Variants in MGLL observed in about 807,000 individuals in gnomAD.
MGLL encodes the protein monoglyceride lipase, also known as lysophospholipase homolog.
MGLL carries 7 observed loss-of-function variants against 29.1 expected under a neutral mutation model. The observed-to-expected ratio is 0.24, with a 90% CI of 0.14 to 0.45. The LOEUF (loss-of-function observed/expected upper bound fraction) is 0.45. MGLL is among the 20% of genes least tolerant of loss of function. The pLI is 0.99. For synonymous variants in MGLL, 148 were observed against 168.3 expected, an observed-to-expected ratio of 0.88 and a Z score of 0.93; for missense variants, 356 against 413.6, an observed-to-expected ratio of 0.86 and a Z score of 1.21.
Position 127,761,339 on chromosome 3 carries a change from C to G in MGLL, c.262+20450G>C, listed in dbSNP as rs751540599. 1.3e-5 allele frequency among the ~76,000 whole-genome samples: 2 copies of G among 152,134 alleles called. No homozygotes were observed. Among genetic ancestry groups the G allele is most frequent in the Admixed American group, 1.3e-4 (2 of 15,278 alleles). On this transcript the variant is annotated intron_variant, in intron 3 of 7. Coordinates refer to ENST00000265052, the MANE Select transcript of MGLL (RefSeq NM_007283.7). The surrounding 1 kb of genome is among the most constrained non-coding windows in gnomAD (Gnocchi z 4.6). ...TGCTGCTGTGTCTTGTTAGAGCCAC[C>G]GTGTTGTGTTGGGGGTGCTGGCTTA...
intron 2 of MGLL, among the ~76,000 whole-genome samples, chr3:127,791,825 C>T (rs537352000): frequency 8.7e-4 from 132 of 152,320 alleles, no homozygotes; most frequent in African/African-American, 2.9e-3. Flanking sequence ...AATCCCAGCA[C>T]TTTGGGAGGC....
chr3:127,729,138 G>C (rs1211562975), intron 3 of MGLL, among the ~76,000 whole-genome samples: 1 of 151,794 alleles, frequency 6.6e-6, no homozygotes, highest in East Asian at 1.9e-4. Flanking sequence ...GGTTTCTTTT[G>C]AGATTCTTAT....
intron 5 of MGLL, chr3:127,715,895 C>T (rs2075805185): frequency 2.2e-6 from 1 of 449,784 alleles, no homozygotes; most frequent in Non-Finnish European, 4.5e-6. Context: ...TTCTTGATGC[C>T]TTTTCCATCA....
intron 2 of MGLL, among the ~76,000 whole-genome samples, chr3:127,808,040 G>A (rs923505940): frequency 3.9e-5 from 6 of 152,078 alleles, no homozygotes; most frequent in Admixed American, 6.5e-5. Context: ...GATTACAGGC[G>A]TGAGCCACCA....
chr3:127,710,026 T>C (rs1381367237), intron 6 of MGLL, among the ~76,000 whole-genome samples: 1 of 152,236 alleles, frequency 6.6e-6, no homozygotes, highest in Non-Finnish European at 1.5e-5. Flanking sequence ...AATCCAGGCC[T>C]GGATAATCAG....
chr3:127,730,359 T>C (rs756090121), intron 3 of MGLL, among the ~76,000 whole-genome samples: 1 of 152,070 alleles, frequency 6.6e-6, no homozygotes, highest in Admixed American at 6.5e-5. Context: ...ATTCCCAGCC[T>C]CCCAGGAAGG....
chr3:127,775,429 C>A (rs892547971), intron 3 of MGLL, among the ~76,000 whole-genome samples: 8 of 152,094 alleles, frequency 5.3e-5, no homozygotes, highest in African/African-American at 1.9e-4. Context: ...AATCTGTCTC[C>A]CTGGATGAAA....
intron 2 of MGLL, among the ~76,000 whole-genome samples, chr3:127,810,835 C>G (rs1408424559): frequency 1.3e-5 from 2 of 151,614 alleles, no homozygotes; most frequent in African/African-American, 4.9e-5. Flanking sequence ...CATTCCCCCA[C>G]CCAATCAAAA....
intron 3 of MGLL, among the ~76,000 whole-genome samples, chr3:127,776,796 T>A (rs1045996520): frequency 2.0e-5 from 3 of 152,244 alleles, no homozygotes; most frequent in Non-Finnish European, 2.9e-5. Flanking sequence ...TGATCTATTT[T>A]GGCTTATAAA....
Position 127,821,457 on chromosome 3 carries a change from C to A in MGLL, c.155+237G>T, listed in dbSNP as rs964749743. On this transcript the variant is annotated intron_variant, in intron 2 of 7. Coordinates refer to ENST00000265052, the MANE Select transcript of MGLL (RefSeq NM_007283.7). Reference sequence around the variant, plus strand: ...TGTGGAATTTTTGAAAATTGCCATACGGTAGGATCCATATCTGAGTTGTTA... The same window carrying A: ...TGTGGAATTTTTGAAAATTGCCATAAGGTAGGATCCATATCTGAGTTGTTA... Among the ~76,000 whole-genome samples, 10 of 152,232 alleles carry A rather than the reference C, an allele frequency of 6.6e-5. 1 individual carries two copies. The East Asian group carries it at 1.9e-3, about 29-fold the overall frequency.
intron 5 of MGLL, chr3:127,714,207 A>C (rs1484081663): frequency 6.6e-6 from 1 of 152,176 alleles, no homozygotes; most frequent in African/African-American, 2.4e-5. Flanking sequence ...TGAACGCCTC[A>C]CCATCCCCTT....
At chr3:127,818,258 C>T (rs1043572270) in intron 2 of MGLL, among the ~76,000 whole-genome samples, 5 of 152,172 alleles carry the variant, frequency 3.3e-5, no homozygotes, top group African/African-American at 4.8e-5. Context: ...CCACTGCACC[C>T]GGCCAATATT....
At chr3:127,775,810 G>A (rs1394044518) in intron 3 of MGLL, among the ~76,000 whole-genome samples, 2 of 152,208 alleles carry the variant, frequency 1.3e-5, no homozygotes, top group Non-Finnish European at 2.9e-5. Flanking sequence ...CAGGGAGCAG[G>A]CCTGCGGGCA....
chr3:127,802,968 G>GTCTC (rs142783705), intron 2 of MGLL, among the ~76,000 whole-genome samples: 3 of 151,024 alleles, frequency 2.0e-5, no homozygotes, highest in Non-Finnish European at 4.4e-5. Context: ...TCAAGCCTGA[G>GTCTC]TCTCTCTCTC....
At chr3:127,793,601 C>T (rs2077336098) in intron 2 of MGLL, among the ~76,000 whole-genome samples, 2 of 152,084 alleles carry the variant, frequency 1.3e-5, no homozygotes, top group South Asian at 2.1e-4. Flanking sequence ...TGCTCTTGTC[C>T]CCCAGGCTGG....
intron 6 of MGLL, among the ~76,000 whole-genome samples, chr3:127,704,655 GATC>G (rs1202045136): frequency 1.3e-5 from 2 of 152,110 alleles, no homozygotes. Flanking sequence ...CAACATCACC[GATC>G]ATCAGAGAAA....
chr3:127,724,969 C>A (rs1234731128), intron 3 of MGLL, among the ~76,000 whole-genome samples: 3 of 152,146 alleles, frequency 2.0e-5, no homozygotes, highest in East Asian at 3.8e-4. Context: ...AGCCTGCTCC[C>A]TGTGCCAGCT....
chr3:127,816,178 A>G (rs1439753114), intron 2 of MGLL, among the ~76,000 whole-genome samples: 2 of 152,230 alleles, frequency 1.3e-5, no homozygotes, highest in East Asian at 1.9e-4. Context: ...ACCTAGTCGC[A>G]GGTGGCGTGA....
At chr3:127,783,303 G>A (rs1325308138) in intron 2 of MGLL, among the ~76,000 whole-genome samples, 1 of 152,220 alleles carries the variant, frequency 6.6e-6, no homozygotes, top group Admixed American at 6.5e-5. Flanking sequence ...GACAGACGCT[G>A]CCTCGGCGGA....
Sources: allele counts gnomAD v4.1 joint callset (sites outside exome capture counted in the v4.1 genomes callset), GRCh38; gene constraint gnomAD v4.1.1; non-coding constraint Gnocchi (gnomAD v3.1); transcripts MANE v1.5; gene names NCBI Gene and HGNC (gene_info 2026-07-23, HGNC 2026-07-21).